Variants in IL17RC observed in about 807,000 individuals in gnomAD.
IL17RC encodes interleukin-17 receptor C.
A neutral mutation model predicts 86.7 loss-of-function variants in IL17RC; 53 were observed. That is an observed-to-expected ratio of 0.61 (90% confidence interval 0.49 to 0.77). IL17RC has a LOEUF of 0.77. Among genes scored for constraint, IL17RC ranks in the 30% least tolerant of loss-of-function variants. IL17RC has a pLI of 0.00. For synonymous variants in IL17RC, 439 were observed against 413.1 expected, an observed-to-expected ratio of 1.06 and a Z score of -0.76; for missense variants, 957 against 940.0, an observed-to-expected ratio of 1.02 and a Z score of -0.24.
Position 9,917,134 on chromosome 3 carries a change from G to A in IL17RC, c.-182G>A, listed in dbSNP as rs2083144671. 1.7e-6 allele frequency: 1 copy of A among 598,106 alleles called. No homozygotes were observed. Among genetic ancestry groups the A allele is most frequent in the Non-Finnish European group, 3.0e-6 (1 of 337,622 alleles). 37.0% of individuals were successfully genotyped at this position (598,106 alleles called of 1,614,324 possible). ...ACTCCGTGCTGGAAGTAGGAGGAGA[G>A]TCAGGACTCCCAGGACAGAGAGTGC... On this transcript the variant is annotated 5_prime_UTR_variant, in exon 1 of 19. Transcript: ENST00000403601.
At chr3:9,924,666 G>A (rs2083897792) in intron 9 of IL17RC, among the ~76,000 whole-genome samples, 1 of 152,108 alleles carries the variant, frequency 6.6e-6, no homozygotes, top group Non-Finnish European at 1.5e-5. Flanking sequence ...TGTAACCTTG[G>A]GCAAGTCACT....
chr3:9,930,957 G>A lies in IL17RC; in HGVS notation c.1387+14G>A. ...CCATGGACAAATGTGAGTATTGTAA[G>A]AACTGCCTTTCCTTTCTGTACCAGG... is the stretch of plus-strand genomic sequence containing the variant. On this transcript the variant is annotated intron_variant, in intron 16 of 18. Transcript: ENST00000403601. The surrounding 1 kb of genome is among the most constrained non-coding windows in gnomAD (Gnocchi z 5.8). 1 of 1,611,034 alleles carries A rather than the reference G, an allele frequency of 6.2e-7. No homozygotes were observed. Among genetic ancestry groups the A allele is most frequent in the South Asian group, 1.1e-5 (1 of 91,002 alleles).
Position 9,917,133 on chromosome 3 carries a change from A to G in IL17RC, c.-183A>G, listed in dbSNP as rs1460938987. 4 of 595,304 alleles carry G rather than the reference A, an allele frequency of 6.7e-6. No homozygotes were observed. The highest frequency in any genetic ancestry group is 1.2e-5 in the Non-Finnish European group (4 of 335,586). 36.9% of individuals were successfully genotyped at this position (595,304 alleles called of 1,614,324 possible). ...CACTCCGTGCTGGAAGTAGGAGGAG[A>G]GTCAGGACTCCCAGGACAGAGAGTG... is the stretch of plus-strand genomic sequence containing the variant. On this transcript the variant is annotated 5_prime_UTR_variant, in exon 1 of 19. Transcript: ENST00000403601.
chr3:9,918,480 C>G lies in IL17RC; in HGVS notation c.356-20C>G. ...CCTGCCGCTCCTGGGCCTGACTGAC[C>G]CCTGCCCTGTTGCCCACAGCCTCTC... On this transcript the variant is annotated intron_variant, in intron 4 of 18. Transcript: ENST00000403601. The G allele has an allele frequency of 1.2e-6, 2 of 1,611,266 alleles. No homozygotes were observed. Among genetic ancestry groups the G allele is most frequent in the Non-Finnish European group, 1.7e-6 (2 of 1,177,422 alleles).
rs146883038 is a variant in IL17RC at position 9,923,952 on chromosome 3, C to A, written c.694C>A (p.His232Asn). 8.5e-5 allele frequency: 137 copies of A among 1,614,096 alleles called. No individual in the cohort carries two copies. Among genetic ancestry groups the A allele is most frequent in the Non-Finnish European group, 1.1e-4 (130 of 1,180,044 alleles). The change falls in exon 8 of 19, where the codon CAC becomes AAC. Residue 232 changes from histidine to asparagine, a missense_variant. Transcript: ENST00000403601. ...GGTTCTGAATGTCTCTGAGGAGCAG[C>A]ACTTCGGCCTCTCCCTGTACTGGAA... ...HLVLNVSEEQ[H>N]FGLSLYWNQV...
rs772782362 is a variant in IL17RC at position 9,930,072 on chromosome 3, C to T, written c.1201C>T (p.Arg401Ter). The T allele has an allele frequency of 1.1e-5, 17 of 1,613,944 alleles. No homozygotes were observed. The highest frequency in any genetic ancestry group is 1.7e-5 in the Admixed American group (1 of 59,988). Residue 401 changes from arginine to a stop codon, truncating the protein, a stop_gained, in exon 14 of 19, where the codon CGA becomes TGA. Transcript: ENST00000403601. LOFTEE classifies it high-confidence loss of function. The surrounding 1 kb of genome is among the most constrained non-coding windows in gnomAD (Gnocchi z 5.8). ...LKDDVLLLET[R>*]GPQDNRSLCA... Reference sequence around the variant, plus strand: ...AGACGATGTGCTACTGTTGGAGACACGAGGCCCCCAGGACAACAGATCCCT... The same window carrying T: ...AGACGATGTGCTACTGTTGGAGACATGAGGCCCCCAGGACAACAGATCCCT...
chr3:9,932,783 G>A, intron 17 of IL17RC, 37 bp from the exon 18 acceptor site: 4 of 1,583,358 alleles, frequency 2.5e-6, no homozygotes, highest in East Asian at 2.2e-5. Context: ...AGCGGCGGCC[G>A]AGCTCACTGG....
rs1020434693 is a variant in IL17RC at position 9,918,081 on chromosome 3, C to A, written c.280+6C>A. On this transcript the variant is annotated splice_donor_region_variant and intron_variant, in intron 3 of 18. Coordinates refer to ENST00000403601, the MANE Select transcript of IL17RC (RefSeq NM_153460.4). ...TGTCCACTTGGCCGTGCATGGTGAG[C>A]AAGTCATCCTGTGACAGTGCATGTG... 6.4e-7 allele frequency: 1 copy of A among 1,568,326 alleles called. No homozygotes were observed. Among genetic ancestry groups the A allele is most frequent in the Non-Finnish European group, 8.6e-7 (1 of 1,156,484 alleles).
chr3:9,918,043 G>T lies in IL17RC; in HGVS notation c.248G>T (p.Cys83Phe). The change falls in exon 3 of 19, where the codon TGT (cysteine) becomes TTT (phenylalanine). Residue 83 changes from cysteine (C) to phenylalanine (F), a missense_variant. Cys to Phe is a radical substitution (Grantham distance 205). Transcript: ENST00000403601. ...CAGAAGGAGACCGACTGTGACCTCTGTCTGCGTGTGGCTGTCCACTTGGCC... is the reference window on the plus strand; with the variant it reads ...CAGAAGGAGACCGACTGTGACCTCTTTCTGCGTGTGGCTGTCCACTTGGCC... ...RCQKETDCDL[C>F]LRVAVHLAVH... 1 of 1,597,458 alleles carries T rather than the reference G, an allele frequency of 6.3e-7. No homozygotes were observed.
chr3:9,931,120 C>G (rs375931265), intron 16 of IL17RC, among the ~76,000 whole-genome samples, 177 bp downstream of exon 16: 12 of 152,150 alleles, frequency 7.9e-5, no homozygotes, highest in African/African-American at 1.4e-4. Context: ...GCAGGAACAC[C>G]AAAAATATAA....
At chr3:9,931,758 G>C (rs2084727508) in intron 16 of IL17RC, among the ~76,000 whole-genome samples, 1 of 151,542 alleles carries the variant, frequency 6.6e-6, no homozygotes, top group South Asian at 2.1e-4. Context: ...GCCCGCGTCG[G>C]CCTCCCAAAG....
chr3:9,920,362 C>T, intron 5 of IL17RC, 129 bp from the exon 6 acceptor site: 1 of 626,234 alleles, frequency 1.6e-6, no homozygotes, highest in South Asian at 1.9e-5. Flanking sequence ...TCAGGCTATA[C>T]AGTATAAATA....
At chr3:9,919,996 A>G (rs1042184523) in intron 5 of IL17RC, among the ~76,000 whole-genome samples, 4 of 152,044 alleles carry the variant, frequency 2.6e-5, no homozygotes, top group East Asian at 3.9e-4. Context: ...TGGAAGGTCT[A>G]TTTCCACTGG....
Position 9,932,875 on chromosome 3 carries a change from G to A in IL17RC, c.1522+17G>A, listed in dbSNP as rs2084900566. The A allele has an allele frequency of 1.3e-6, 2 of 1,586,344 alleles. No homozygotes were observed. Among genetic ancestry groups the A allele is most frequent in the African/African-American group, 1.4e-5 (1 of 73,656 alleles). ...GCTCGGGGGGTGAGTGGGAGCAAGC[G>A]CTGGGCGGAGGGCCGCCCCCGGGGA... On this transcript the variant is annotated intron_variant, in intron 18 of 18. Coordinates refer to ENST00000403601, the MANE Select transcript of IL17RC (RefSeq NM_153460.4).
At chr3:9,926,856 G>A (rs1280685696) in intron 9 of IL17RC, among the ~76,000 whole-genome samples, 5 of 152,088 alleles carry the variant, frequency 3.3e-5, no homozygotes, top group Admixed American at 1.3e-4. Flanking sequence ...TCTTGACCTC[G>A]TGATCCGCCC....
At chr3:9,923,308 TG>T (rs61562755) in intron 7 of IL17RC, among the ~76,000 whole-genome samples, 152,057 of 152,058 alleles carry the variant, frequency 1, 76,028 homozygotes, top group Non-Finnish European at 1. Flanking sequence ...CCCAGCACTT[TG>T]GGGAAGCTGA....
At chr3:9,920,675 C>T in intron 6 of IL17RC, 73 bp downstream of exon 6, 1 of 1,033,242 alleles carries the variant, frequency 9.7e-7, no homozygotes, top group Non-Finnish European at 1.5e-6. Context: ...ATTTCACCCT[C>T]TTCTAGCTCC....
chr3:9,933,143 G>A lies in IL17RC; in HGVS notation c.1713G>A (p.Leu571=), dbSNP rs1175600527. The A allele has an allele frequency of 3.1e-6, 5 of 1,600,258 alleles. No individual in the cohort carries two copies. The highest frequency in any genetic ancestry group is 4.3e-6 in the Non-Finnish European group (5 of 1,175,740). The change falls in exon 19 of 19, where the codon CTG becomes CTA. Residue 571 remains leucine, a synonymous_variant. Transcript: ENST00000403601. ...TTCACGCGCAGCGGCGCCAGACCCT[G>A]CAGGAGGGCGGCGTGGTGGTCTTGC... is the stretch of plus-strand genomic sequence containing the variant. ...AWFHAQRRQT[L]QEGGVVVLLF...
intron 3 of IL17RC, 117 bp downstream of exon 3, chr3:9,918,192 A>T (rs2083265476): frequency 1.5e-6 from 2 of 1,335,548 alleles, no homozygotes; most frequent in Non-Finnish European, 1.0e-6. Context: ...CCTGGAGGAC[A>T]CCAGCAGAAG....
Sources: gnomAD v4.1 joint callset for allele counts (sites outside exome capture counted in the v4.1 genomes callset) on GRCh38, gnomAD v4.1.1 for gene constraint, Gnocchi (gnomAD v3.1) non-coding constraint, MANE v1.5 for transcripts, NCBI Gene and HGNC (gene_info 2026-07-23, HGNC 2026-07-21) for gene names.